UNC13C: variants seen among roughly 807,000 people sequenced by gnomAD.
The protein encoded by UNC13C is protein unc-13 homolog C.
UNC13C carries 174 observed loss-of-function variants against 245.4 expected under a neutral mutation model. The observed-to-expected ratio is 0.71, with a 90% CI of 0.63 to 0.80. UNC13C has a LOEUF of 0.80. Among genes scored for constraint, UNC13C ranks in the 30% least tolerant of loss-of-function variants. The probability of loss-of-function intolerance (pLI) is 0.00; values close to 1 mark genes in which losing one functional copy is unlikely to be tolerated. For synonymous variants in UNC13C, 992 were observed against 895.1 expected, an observed-to-expected ratio of 1.11 and a Z score of -1.93; for missense variants, 2,829 against 2,602.9, an observed-to-expected ratio of 1.09 and a Z score of -1.89.
intron 13 of UNC13C, among the ~76,000 whole-genome samples, chr15:54,310,866 A>T (rs917237204): frequency 1.3e-5 from 2 of 151,600 alleles, no homozygotes; most frequent in African/African-American, 4.8e-5. Context: ...ACTAATACTG[A>T]TTCATATTTT....
At chr15:54,332,305 CTGTGTGTGTGT>C (rs962255900) in intron 15 of UNC13C, among the ~76,000 whole-genome samples, 194 bp downstream of exon 15, 1 of 145,584 alleles carries the variant, frequency 6.9e-6, no homozygotes, top group African/African-American at 2.6e-5. Context: ...CAACAATACT[CTGTGTGTGTGT>C]GTGTGTGTGT....
At chr15:54,058,481 AC>A (rs1365993757) in intron 2 of UNC13C, among the ~76,000 whole-genome samples, 2 of 152,182 alleles carry the variant, frequency 1.3e-5, no homozygotes, top group Non-Finnish European at 2.9e-5. Context: ...TAGCTTACCA[AC>A]CAAAAAAGTC....
intron 10 of UNC13C, among the ~76,000 whole-genome samples, chr15:54,282,788 T>C (rs916745720): frequency 6.6e-6 from 1 of 152,034 alleles, no homozygotes; most frequent in African/African-American, 2.4e-5. Flanking sequence ...GAGAATTCTA[T>C]TGAGTGATGA....
At chr15:54,397,411 C>A (rs952081332) in intron 18 of UNC13C, among the ~76,000 whole-genome samples, 4 of 151,440 alleles carry the variant, frequency 2.6e-5, no homozygotes, top group African/African-American at 4.8e-5. Context: ...ACCAGTACTG[C>A]ATGTCTTGGT....
At chr15:54,592,587 T>C (rs1395487076) in intron 30 of UNC13C, among the ~76,000 whole-genome samples, 2 of 152,156 alleles carry the variant, frequency 1.3e-5, no homozygotes, top group African/African-American at 4.8e-5. Flanking sequence ...TGCTTTAAAG[T>C]TTGTTTTGTC....
At chr15:54,550,671 A>C (rs559938782) in intron 28 of UNC13C, among the ~76,000 whole-genome samples, 3 of 152,308 alleles carry the variant, frequency 2.0e-5, no homozygotes, top group Non-Finnish European at 4.4e-5. Context: ...TGGAAGATAT[A>C]ACTATCACCT....
intron 15 of UNC13C, among the ~76,000 whole-genome samples, chr15:54,333,087 C>T (rs898133792): frequency 6.6e-6 from 1 of 151,892 alleles, no homozygotes; most frequent in Non-Finnish European, 1.5e-5. Context: ...ATGAATATCT[C>T]GTAATTAGCG....
chr15:54,291,447 T>G (rs2037296309), intron 10 of UNC13C, among the ~76,000 whole-genome samples: 1 of 152,044 alleles, frequency 6.6e-6, no homozygotes, highest in Admixed American at 6.6e-5. Context: ...GGATTTTATT[T>G]TGGTGAAACT....
At chr15:54,244,417 C>G (rs1490344346) in intron 7 of UNC13C, among the ~76,000 whole-genome samples, 1 of 152,110 alleles carries the variant, frequency 6.6e-6, no homozygotes, top group Non-Finnish European at 1.5e-5. Context: ...ATGCCTACAA[C>G]TTTGTTATTT....
chr15:53,860,248 C>A, the UNC13C span, among the ~76,000 whole-genome samples: 12 of 132,518 alleles, frequency 9.1e-5, no homozygotes, highest in African/African-American at 3.2e-4. Flanking sequence ...ATCATGATAT[C>A]ATGTGATAAC....
chr15:53,913,978 T>C, the UNC13C span: 50,093 of 152,140 alleles, frequency 0.33, 8,327 homozygotes, highest in African/African-American at 0.39. Context: ...TTGCAACACC[T>C]ATGGTAATCT....
Position 54,019,352 on chromosome 15 carries a change from CAG to C in UNC13C, c.2983+3470_2983+3471del, listed in dbSNP as rs772691398. On this transcript the variant is annotated intron_variant, in intron 2 of 32. Coordinates refer to ENST00000260323, the MANE Select transcript of UNC13C (RefSeq NM_001080534.3). ...GTCAGCCACTAGGTTTAGTTCAACTCAGAGATATTCACGAGAAACCAGTATGA... is the reference window on the plus strand; with the variant it reads ...GTCAGCCACTAGGTTTAGTTCAACTCAGATATTCACGAGAAACCAGTATGA... Among the ~76,000 whole-genome samples, 9 of 152,162 alleles carry C rather than the reference CAG, an allele frequency of 5.9e-5. No individual in the cohort carries two copies. In the South Asian group the frequency reaches 1.9e-3, roughly 32 times the overall value.
At chr15:54,587,293 C>T (rs1051948228) in intron 30 of UNC13C, among the ~76,000 whole-genome samples, 1 of 152,140 alleles carries the variant, frequency 6.6e-6, no homozygotes, top group Non-Finnish European at 1.5e-5. Context: ...ACAGAATTCT[C>T]CTCCTACCAG....
rs185771459 is a variant in UNC13C, at chr15:54,485,605, C to G, written c.4934-9003C>G. ...CATGTTTTACAGATGTAAATCAGAC[C>G]AAAATCATGCAGTTTTATTCCATAA... On this transcript the variant is annotated intron_variant, in intron 19 of 32. Transcript: ENST00000260323. Among the ~76,000 whole-genome samples the G allele has an allele frequency of 1.7e-4, 26 of 152,248 alleles. 1 individual carries two copies. The highest frequency in any genetic ancestry group is 1.0e-3 in the Admixed American group (16 of 15,290).
the UNC13C span, among the ~76,000 whole-genome samples, chr15:53,940,262 G>T: frequency 6.6e-6 from 1 of 151,852 alleles, no homozygotes; most frequent in African/African-American, 2.4e-5. Flanking sequence ...GTCCCTAACC[G>T]TTGTCCCTTT....
chr15:53,959,676 G>C, the UNC13C span, among the ~76,000 whole-genome samples: 2 of 152,152 alleles, frequency 1.3e-5, no homozygotes, highest in South Asian at 4.2e-4. Context: ...ACTTGATAGA[G>C]ATTTCATGGC....
At chr15:53,880,713 T>G in the UNC13C span, among the ~76,000 whole-genome samples, 1 of 150,840 alleles carries the variant, frequency 6.6e-6, no homozygotes, top group African/African-American at 2.5e-5. Context: ...TTTTTTTTTC[T>G]GAAATCATCA....
At chr15:54,503,855 T>C (rs754019678) in intron 22 of UNC13C, among the ~76,000 whole-genome samples, 2 of 152,192 alleles carry the variant, frequency 1.3e-5, no homozygotes, top group Non-Finnish European at 2.9e-5. Context: ...CAAAATATAC[T>C]AAAATCCCAT....
intron 9 of UNC13C, 50 bp downstream of exon 9, chr15:54,264,445 G>A (rs1026645561): frequency 6.5e-6 from 9 of 1,386,046 alleles, no homozygotes; most frequent in Admixed American, 2.1e-5. Flanking sequence ...AGATTTTTAT[G>A]TGCCCTAGAA....
Sources: gnomAD v4.1 joint callset for allele counts (sites outside exome capture counted in the v4.1 genomes callset) on GRCh38, gnomAD v4.1.1 for gene constraint, MANE v1.5 for transcripts, NCBI Gene and HGNC (gene_info 2026-07-23, HGNC 2026-07-21) for gene names.